Variants in CAPRIN1 observed in about 807,000 individuals in gnomAD.
CAPRIN1 encodes the protein caprin-1.
Under a neutral mutation model 100.9 loss-of-function variants are expected in CAPRIN1, and 29 were observed. That is an observed-to-expected ratio of 0.29 (90% confidence interval 0.21 to 0.39). CAPRIN1 has a LOEUF of 0.39. CAPRIN1 is among the 10% of genes least tolerant of loss of function. The pLI, the probability that CAPRIN1 is intolerant of heterozygous loss-of-function variation, is 1.00. For synonymous variants in CAPRIN1, 338 were observed against 307.5 expected (o/e 1.10, Z -1.04); for missense variants, 795 against 876.7 (o/e 0.91, Z 1.18).
At chr11:34,093,317 C>T (rs957453653) in intron 15 of CAPRIN1, among the ~76,000 whole-genome samples, 2 of 151,986 alleles carry the variant, frequency 1.3e-5, no homozygotes, top group Admixed American at 6.6e-5. Flanking sequence ...GCCTTTAACT[C>T]CCCACAAGTA....
At chr11:34,084,200 C>G (rs1270403639) in intron 9 of CAPRIN1, among the ~76,000 whole-genome samples, 1 of 151,968 alleles carries the variant, frequency 6.6e-6, no homozygotes, top group African/African-American at 2.4e-5. Context: ...GTGATCTGCC[C>G]GTTTCAGCCT....
At position 34,052,565 on chromosome 11, in the gene CAPRIN1, G is replaced by T. The variant is rs566905220; in HGVS notation, c.145G>T (p.Val49Phe). The T allele has an allele frequency of 6.2e-7, 1 of 1,610,444 alleles. No homozygotes were observed. Among genetic ancestry groups the T allele is most frequent in the African/African-American group, 1.3e-5 (1 of 74,974 alleles). Reference sequence around the variant, plus strand: ...GCACCCCGCAACCGGCACCGGCGCTGTCCAGACCGAGGCCATGAAGCAGAT... The same window carrying T: ...GCACCCCGCAACCGGCACCGGCGCTTTCCAGACCGAGGCCATGAAGCAGAT... ...SQHPATGTGA[V>F]QTEAMKQILG... Residue 49 changes from valine (V) to phenylalanine (F), a missense_variant, in exon 2 of 19, where the codon GTC becomes TTC. This residue lies in a region of CAPRIN1 where 109 missense variants were observed against 86.6 expected (regional missense o/e 1.26). Transcript: ENST00000341394.
chr11:34,084,354 A>G (rs1482302227), intron 9 of CAPRIN1, among the ~76,000 whole-genome samples: 2 of 152,230 alleles, frequency 1.3e-5, no homozygotes, highest in African/African-American at 4.8e-5. Flanking sequence ...CCAGAAAGGT[A>G]CTTGGGATGA....
At chr11:34,092,677 T>C (rs1465708019) in intron 15 of CAPRIN1, among the ~76,000 whole-genome samples, 1 of 152,206 alleles carries the variant, frequency 6.6e-6, no homozygotes, top group Non-Finnish European at 1.5e-5. Context: ...ATACTTTTAA[T>C]TGTTAATTGA....
chr11:34,090,463 C>A, intron 13 of CAPRIN1, 66 bp from the exon 14 acceptor site: 1 of 1,533,394 alleles, frequency 6.5e-7, no homozygotes, highest in Non-Finnish European at 9.0e-7. Context: ...TTTAGTACAT[C>A]TGTTCACTTT....
At chr11:34,074,833 C>T (rs1047418646) in intron 4 of CAPRIN1, among the ~76,000 whole-genome samples, 1 of 152,144 alleles carries the variant, frequency 6.6e-6, no homozygotes, top group African/African-American at 2.4e-5. Context: ...CAAGATCGTG[C>T]CACTGCACTC....
chr11:34,055,730 A>G (rs528902507), intron 2 of CAPRIN1: 1 of 152,212 alleles, frequency 6.6e-6, no homozygotes, highest in Non-Finnish European at 1.5e-5. Flanking sequence ...AGATTCAACA[A>G]ACTGCACAAA....
At chr11:34,092,077 T>C (rs1266627755) in intron 15 of CAPRIN1, 21 bp downstream of exon 15, 3 of 1,609,410 alleles carry the variant, frequency 1.9e-6, no homozygotes, top group Non-Finnish European at 1.7e-6. Flanking sequence ...CAGTGTCACC[T>C]CATTGGCTCC....
At chr11:34,052,855 C>T in intron 2 of CAPRIN1, 1 of 1,429,248 alleles carries the variant, frequency 7.0e-7, no homozygotes, top group Admixed American at 2.9e-5. Flanking sequence ...GACTCGGACG[C>T]GGCACTGTAC....
At chr11:34,075,545 T>G (rs1216780414) in intron 4 of CAPRIN1, among the ~76,000 whole-genome samples, 1 of 152,222 alleles carries the variant, frequency 6.6e-6, no homozygotes, top group Non-Finnish European at 1.5e-5. Flanking sequence ...TAAAAACAAA[T>G]TAGGCACTCT....
intron 14 of CAPRIN1, among the ~76,000 whole-genome samples, chr11:34,091,448 A>G (rs1851263696): frequency 6.6e-6 from 1 of 152,060 alleles, no homozygotes; most frequent in Non-Finnish European, 1.5e-5. Flanking sequence ...CACCATGCCC[A>G]GCTAATTTTT....
intron 15 of CAPRIN1, among the ~76,000 whole-genome samples, chr11:34,093,062 A>G (rs1305662699): frequency 6.8e-6 from 1 of 146,836 alleles, no homozygotes; most frequent in African/African-American, 2.5e-5. Flanking sequence ...GGTCTCCAGG[A>G]GCTCACTATG....
chr11:34,059,369 A>G (rs1850525869), intron 2 of CAPRIN1, among the ~76,000 whole-genome samples: 1 of 151,692 alleles, frequency 6.6e-6, no homozygotes, highest in Non-Finnish European at 1.5e-5. Flanking sequence ...CCTGGGTTCA[A>G]GTGATTCTCT....
intron 15 of CAPRIN1, among the ~76,000 whole-genome samples, chr11:34,093,431 C>T (rs1851302337): frequency 6.6e-6 from 1 of 151,980 alleles, no homozygotes; most frequent in Non-Finnish European, 1.5e-5. Context: ...TCTTTAATTC[C>T]TCAGAATTTA....
chr11:34,099,456 C>G lies in CAPRIN1; in HGVS notation c.*89C>G, dbSNP rs957499794. ...CCAGAAGAGTTATTATCTATTTGTT[C>G]TCCCTTTCAGGAAACTTATTGTAAA... On this transcript the variant is annotated 3_prime_UTR_variant, in exon 19 of 19. Coordinates refer to ENST00000341394, the MANE Select transcript of CAPRIN1 (RefSeq NM_005898.5). 7.1e-6 allele frequency: 8 copies of G among 1,131,286 alleles called. No homozygotes were observed. Among genetic ancestry groups the G allele is most frequent in the Non-Finnish European group, 9.3e-6 (7 of 753,222 alleles). The allele number at this position is 1,131,286 out of a possible 1,614,324, so 70.1% of individuals were successfully genotyped here.
At chr11:34,095,183 A>C (rs1398267214) in intron 15 of CAPRIN1, among the ~76,000 whole-genome samples, 1 of 152,180 alleles carries the variant, frequency 6.6e-6, no homozygotes, top group African/African-American at 2.4e-5. Flanking sequence ...AGTGTGAGCC[A>C]CTACACCCAG....
Position 34,072,148 on chromosome 11 carries a change from A to T in CAPRIN1, c.366+161A>T, listed in dbSNP as rs112564331. Among the ~76,000 whole-genome samples, 394 of 152,242 alleles carry T rather than the reference A, an allele frequency of 2.6e-3. 3 individuals are homozygous for T. The highest frequency in any genetic ancestry group is 8.8e-3 in the African/African-American group (366 of 41,540). On this transcript the variant is annotated intron_variant, in intron 4 of 18. Coordinates refer to ENST00000341394, the MANE Select transcript of CAPRIN1 (RefSeq NM_005898.5). ...CTGTAAAGTAAAATGTAACACCTGA[A>T]AGATGTCTTTTAAAAATACTAAGTT...
chr11:34,065,979 T>C (rs1468474996), intron 2 of CAPRIN1, among the ~76,000 whole-genome samples: 1 of 152,214 alleles, frequency 6.6e-6, no homozygotes, highest in Non-Finnish European at 1.5e-5. Flanking sequence ...AAATGTTATA[T>C]GGATGACCTG....
chr11:34,093,409 GTCT>G (rs1851301873), intron 15 of CAPRIN1, among the ~76,000 whole-genome samples: 1 of 152,004 alleles, frequency 6.6e-6, no homozygotes, highest in South Asian at 2.1e-4. Flanking sequence ...CCACCATGAT[GTCT>G]TCTTTAGTTC....
Sources: allele counts gnomAD v4.1 joint callset (sites outside exome capture counted in the v4.1 genomes callset), GRCh38; gene constraint gnomAD v4.1.1; regional missense constraint gnomAD v4.1.1; transcripts MANE v1.5; gene names NCBI Gene and HGNC (gene_info 2026-07-23, HGNC 2026-07-21).